CMSS1: variants seen among roughly 807,000 people sequenced by gnomAD.
The protein encoded by CMSS1 is cms1 ribosomal small subunit homolog, also known as protein CMSS1.
A neutral mutation model predicts 43.5 loss-of-function variants in CMSS1; 33 were observed. The observed-to-expected ratio is 0.76, with a 90% CI of 0.57 to 1.01. CMSS1 has a LOEUF of 1.01. Among genes scored for constraint, CMSS1 ranks in the 50% least tolerant of loss-of-function variants. The pLI is 0.00. For missense variants in CMSS1, 313 were observed against 326.4 expected (o/e 0.96, Z 0.32); for synonymous variants, 115 against 117.2 (o/e 0.98, Z 0.12).
At chr3:100,036,875 T>TA (rs1455975529) in intron 1 of CMSS1, among the ~76,000 whole-genome samples, 1 of 152,202 alleles carries the variant, frequency 6.6e-6, no homozygotes, top group Non-Finnish European at 1.5e-5. Flanking sequence ...GTGAGAAAGA[T>TA]ACGTTATTTC....
At chr3:100,034,066 G>C (rs2065065604) in intron 1 of CMSS1, among the ~76,000 whole-genome samples, 1 of 152,126 alleles carries the variant, frequency 6.6e-6, no homozygotes, top group Admixed American at 6.5e-5. Context: ...GCTTACATTA[G>C]TGACCCGTTA....
chr3:99,923,521 C>G (rs1203308722), intron 1 of CMSS1, among the ~76,000 whole-genome samples: 1 of 152,198 alleles, frequency 6.6e-6, no homozygotes, highest in Non-Finnish European at 1.5e-5. Context: ...TCCAGTCTAA[C>G]CAGTCACTAA....
At chr3:100,044,589 G>C (rs1486836066) in intron 1 of CMSS1, among the ~76,000 whole-genome samples, 1 of 152,174 alleles carries the variant, frequency 6.6e-6, no homozygotes, top group Non-Finnish European at 1.5e-5. Flanking sequence ...GAGGGAAGTA[G>C]AAAGATACAG....
intron 1 of CMSS1, among the ~76,000 whole-genome samples, chr3:100,016,739 CTG>C (rs1458869565): frequency 4.3e-4 from 66 of 152,320 alleles, no homozygotes; most frequent in African/African-American, 1.5e-3. Context: ...TTTCTTGAAT[CTG>C]AATTGTAACA....
At chr3:99,941,305 A>G (rs1313183994) in intron 1 of CMSS1, among the ~76,000 whole-genome samples, 1 of 152,222 alleles carries the variant, frequency 6.6e-6, no homozygotes, top group Non-Finnish European at 1.5e-5. Flanking sequence ...CAGGTTCACG[A>G]GTAAATACAA....
chr3:99,868,133 C>A (rs1944612146), intron 1 of CMSS1, among the ~76,000 whole-genome samples: 1 of 152,110 alleles, frequency 6.6e-6, no homozygotes, highest in South Asian at 2.1e-4. Context: ...CTTTTGCAGT[C>A]ACCAGCTCTC....
intron 1 of CMSS1, among the ~76,000 whole-genome samples, chr3:99,829,544 C>T (rs1942607108): frequency 6.6e-6 from 1 of 152,200 alleles, no homozygotes; most frequent in South Asian, 2.1e-4. Flanking sequence ...CATGTGGAAA[C>T]TCAAGGCTTA....
intron 1 of CMSS1, among the ~76,000 whole-genome samples, chr3:99,881,500 G>C (rs1248515737): frequency 6.6e-6 from 1 of 151,660 alleles, no homozygotes; most frequent in Non-Finnish European, 1.5e-5. Context: ...TTTTTAAAGG[G>C]ACCTTGTCAT....
At chr3:99,871,980 C>A (rs963012246) in intron 1 of CMSS1, among the ~76,000 whole-genome samples, 7 of 151,868 alleles carry the variant, frequency 4.6e-5, no homozygotes, top group African/African-American at 1.7e-4. Flanking sequence ...AACTTTGAAC[C>A]TTTCTACTTT....
intron 1 of CMSS1, among the ~76,000 whole-genome samples, chr3:99,821,058 T>C (rs1028134046): frequency 6.6e-6 from 1 of 152,244 alleles, no homozygotes; most frequent in Non-Finnish European, 1.5e-5. Flanking sequence ...ATCTATCTAA[T>C]GTGCCTATCT....
intron 1 of CMSS1, among the ~76,000 whole-genome samples, chr3:100,061,173 T>C (rs2065559351): frequency 6.6e-6 from 1 of 151,690 alleles, no homozygotes; most frequent in African/African-American, 2.4e-5. Context: ...GAAGGAAGGG[T>C]ACAATTTTTA....
At position 99,929,914 on chromosome 3, in the gene CMSS1, G is replaced by A. The variant is rs374477637; in HGVS notation, c.64+111871G>A. On this transcript the variant is annotated intron_variant, in intron 1 of 9. Coordinates refer to ENST00000421999, the MANE Select transcript of CMSS1 (RefSeq NM_032359.4). The stretch of plus-strand genomic sequence containing the variant: ...CCAAGGGGTAGATTTCGCTTGAAAA[G>A]CATCTCTCTGGAGAGCCTCTAACAC... 6 of 1,613,614 alleles carry A rather than the reference G, an allele frequency of 3.7e-6. No individual in the cohort carries two copies. Among genetic ancestry groups the A allele is most frequent in the Non-Finnish European group, 4.2e-6 (5 of 1,179,910 alleles).
At chr3:99,859,548 C>T (rs1209419004) in intron 1 of CMSS1, among the ~76,000 whole-genome samples, 1 of 152,206 alleles carries the variant, frequency 6.6e-6, no homozygotes, top group Non-Finnish European at 1.5e-5. Flanking sequence ...AAACTGCATA[C>T]ATCACACTCC....
chr3:99,955,543 T>C (rs545053507), intron 1 of CMSS1, among the ~76,000 whole-genome samples: 1 of 152,318 alleles, frequency 6.6e-6, no homozygotes, highest in South Asian at 2.1e-4. Context: ...CCAGCAATGC[T>C]TGAGAACTCT....
chr3:99,913,211 C>G (rs1706847299), intron 1 of CMSS1, among the ~76,000 whole-genome samples: 1 of 152,216 alleles, frequency 6.6e-6, no homozygotes, highest in African/African-American at 2.4e-5. Flanking sequence ...CACCCAATCT[C>G]TGGTATTTTG....
At chr3:100,147,538 G>A (rs1297129778) in intron 2 of CMSS1, among the ~76,000 whole-genome samples, 5 of 152,038 alleles carry the variant, frequency 3.3e-5, no homozygotes, top group African/African-American at 1.2e-4. Context: ...CTCCCAAAGT[G>A]CTGGGATTAC....
chr3:99,991,459 T>C (rs1026814948), intron 1 of CMSS1, among the ~76,000 whole-genome samples: 1 of 152,216 alleles, frequency 6.6e-6, no homozygotes, highest in Admixed American at 6.5e-5. Flanking sequence ...CTATCTTTTT[T>C]ATGTTTATAT....
chr3:99,947,121 G>GA (rs1708033218), intron 1 of CMSS1, among the ~76,000 whole-genome samples: 1 of 122,934 alleles, frequency 8.1e-6, no homozygotes, highest in Non-Finnish European at 1.6e-5. Flanking sequence ...CTGGGCGACA[G>GA]AGCAAGACTC....
At chr3:100,128,253 C>G (rs1164905554) in intron 1 of CMSS1, among the ~76,000 whole-genome samples, 1 of 152,200 alleles carries the variant, frequency 6.6e-6, no homozygotes, top group Admixed American at 6.5e-5. Context: ...TTGCCTCTTT[C>G]TTGCCTTTCC....
Sources: gnomAD v4.1 joint callset for allele counts (sites outside exome capture counted in the v4.1 genomes callset) on GRCh38, gnomAD v4.1.1 for gene constraint, MANE v1.5 for transcripts, NCBI Gene and HGNC (gene_info 2026-07-23, HGNC 2026-07-21) for gene names.